SH2D4A: variants seen among roughly 807,000 people sequenced by gnomAD.
The protein encoded by SH2D4A is SH2 domain-containing protein 4A.
A neutral mutation model predicts 64.7 loss-of-function variants in SH2D4A; 70 were observed. The observed-to-expected ratio is 1.08, with a 90% CI of 0.89 to 1.32. SH2D4A has a LOEUF of 1.32. SH2D4A is among the 40% of genes most tolerant of loss of function. SH2D4A has a pLI of 0.00. For missense variants in SH2D4A, 706 were observed against 540.1 expected (o/e 1.31, Z -3.04); for synonymous variants, 268 against 200.7 (o/e 1.34, Z -2.83).
intron 7 of SH2D4A, among the ~76,000 whole-genome samples, chr8:19,365,207 T>C (rs2052972178): frequency 6.6e-6 from 1 of 152,206 alleles, no homozygotes. Flanking sequence ...AGTGATGACC[T>C]CAGGGGAAAC....
intron 1 of SH2D4A, among the ~76,000 whole-genome samples, chr8:19,318,225 A>G (rs1427855717): frequency 6.6e-6 from 1 of 152,202 alleles, no homozygotes; most frequent in East Asian, 1.9e-4. Flanking sequence ...TTCTTAGGAC[A>G]CATGTGATTC....
Position 19,319,336 on chromosome 8 carries a change from C to T in SH2D4A, c.-204-8C>T. On this transcript the variant is annotated splice_polypyrimidine_tract_variant and splice_region_variant and intron_variant, in intron 1 of 9. Coordinates refer to ENST00000265807, the MANE Select transcript of SH2D4A (RefSeq NM_022071.4). The stretch of plus-strand genomic sequence containing the variant: ...CGCTGCCTGAATGTGGGCTCTTTCT[C>T]TCTGCAGGTTCAGTGAACAGCATTT... The T allele has an allele frequency of 8.3e-7, 1 of 1,210,638 alleles. No individual in the cohort carries two copies. The highest frequency in any genetic ancestry group is 1.0e-6 in the Non-Finnish European group (1 of 974,254). 75.0% of individuals were successfully genotyped at this position (1,210,638 alleles called of 1,614,324 possible).
intron 4 of SH2D4A, among the ~76,000 whole-genome samples, chr8:19,350,793 G>C (rs989093823): frequency 5.9e-5 from 9 of 152,164 alleles, no homozygotes; most frequent in African/African-American, 2.2e-4. Flanking sequence ...ACAATGTTTA[G>C]TGAAACATGT....
At chr8:19,317,520 C>T (rs1198689197) in intron 1 of SH2D4A, among the ~76,000 whole-genome samples, 1 of 151,930 alleles carries the variant, frequency 6.6e-6, no homozygotes, top group Non-Finnish European at 1.5e-5. Context: ...CATCAAGGGC[C>T]TGGCTTCACA....
intron 1 of SH2D4A, among the ~76,000 whole-genome samples, chr8:19,316,874 C>T (rs1314714436): frequency 2.0e-5 from 3 of 152,114 alleles, no homozygotes; most frequent in African/African-American, 7.2e-5. Context: ...GGGCTGGACT[C>T]CAAGGGTTAT....
At chr8:19,337,745 C>T (rs2052466462) in intron 4 of SH2D4A, among the ~76,000 whole-genome samples, 1 of 152,096 alleles carries the variant, frequency 6.6e-6, no homozygotes, top group Admixed American at 6.5e-5. Flanking sequence ...TTTATAAAAC[C>T]ATCAGATCTC....
At chr8:19,382,944 C>T (rs2053322796) in intron 8 of SH2D4A, among the ~76,000 whole-genome samples, 1 of 149,410 alleles carries the variant, frequency 6.7e-6, no homozygotes, top group Admixed American at 6.8e-5. Flanking sequence ...AATTCTCCTG[C>T]CTCAGCCCTG....
At chr8:19,366,794 C>G (rs966368335) in intron 7 of SH2D4A, among the ~76,000 whole-genome samples, 2 of 152,048 alleles carry the variant, frequency 1.3e-5, no homozygotes, top group Non-Finnish European at 2.9e-5. Context: ...TCTGTCTCAA[C>G]AACAACAAAA....
chr8:19,365,094 T>C (rs920050377), intron 7 of SH2D4A, among the ~76,000 whole-genome samples: 19 of 152,160 alleles, frequency 1.2e-4, no homozygotes, highest in African/African-American at 4.3e-4. Context: ...AAATAAAAAC[T>C]AAAAATAATT....
At chr8:19,347,845 G>A (rs1313179647) in intron 4 of SH2D4A, among the ~76,000 whole-genome samples, 1 of 152,138 alleles carries the variant, frequency 6.6e-6, no homozygotes, top group Non-Finnish European at 1.5e-5. Flanking sequence ...TTAACCAGGT[G>A]GAGTTACAGA....
intron 2 of SH2D4A, among the ~76,000 whole-genome samples, chr8:19,332,142 T>C (rs1468136074): frequency 6.6e-6 from 1 of 152,012 alleles, no homozygotes; most frequent in Non-Finnish European, 1.5e-5. Context: ...ATAAATAAAA[T>C]AATAAAACCT....
At chr8:19,386,955 G>A (rs916701403) in intron 8 of SH2D4A, among the ~76,000 whole-genome samples, 2 of 151,900 alleles carry the variant, frequency 1.3e-5, no homozygotes, top group African/African-American at 4.8e-5. Context: ...GATACTTTTT[G>A]TTGTTCTTTG....
Position 19,319,513 on chromosome 8 carries a change from T to C in SH2D4A, c.-35T>C. 1 of 1,420,772 alleles carries C rather than the reference T, an allele frequency of 7.0e-7. No homozygotes were observed. Among genetic ancestry groups the C allele is most frequent in the African/African-American group, 1.5e-5 (1 of 68,162 alleles). The allele number at this position is 1,420,772 out of a possible 1,614,324, so 88.0% of individuals were successfully genotyped here. On this transcript the variant is annotated 5_prime_UTR_variant, in exon 2 of 10. Transcript: ENST00000265807. ...ACCTGGAGGCCAGTTTCAGGAACTT[T>C]TGCCACAAGTATAAAAGACTTCAGA...
In SH2D4A at chr8:19,391,148, T is replaced by C. The variant is rs566043546; in HGVS notation, c.1049-2170T>C. 1.1e-4 allele frequency among the ~76,000 whole-genome samples: 16 copies of C among 152,308 alleles called. No homozygotes were observed. In the East Asian group the frequency reaches 1.4e-3, roughly 13 times the overall value. ...GGGTTTCGGAGTCAGTCTCATACAG[T>C]GTCTTTAGAGATTTGCCATGTGCAG... On this transcript the variant is annotated intron_variant, in intron 8 of 9. Transcript: ENST00000265807.
At chr8:19,341,192 A>C (rs2052524056) in intron 4 of SH2D4A, among the ~76,000 whole-genome samples, 1 of 152,238 alleles carries the variant, frequency 6.6e-6, no homozygotes, top group Admixed American at 6.5e-5. Flanking sequence ...CTGGTGAGAA[A>C]GCTAGACTGG....
chr8:19,388,902 G>A (rs1436755294), intron 8 of SH2D4A, among the ~76,000 whole-genome samples: 5 of 152,194 alleles, frequency 3.3e-5, no homozygotes, highest in Non-Finnish European at 5.9e-5. Context: ...AAGTGGGGGA[G>A]GGCAGGACAG....
At chr8:19,327,564 C>A (rs1563185628) in intron 2 of SH2D4A, among the ~76,000 whole-genome samples, 1 of 152,146 alleles carries the variant, frequency 6.6e-6, no homozygotes, top group Non-Finnish European at 1.5e-5. Context: ...TTCACCTGCA[C>A]CTCCTTCTAT....
At chr8:19,358,319 C>T (rs1481776359) in intron 5 of SH2D4A, among the ~76,000 whole-genome samples, 2 of 152,138 alleles carry the variant, frequency 1.3e-5, no homozygotes, top group Non-Finnish European at 2.9e-5. Flanking sequence ...TTCCTGCCTT[C>T]AGGGAGCTTA....
intron 8 of SH2D4A, among the ~76,000 whole-genome samples, chr8:19,379,810 C>T (rs1433464666): frequency 6.6e-6 from 1 of 152,172 alleles, no homozygotes; most frequent in Non-Finnish European, 1.5e-5. Context: ...ACTTAGAGCT[C>T]ACTGCAGTCT....
Sources: allele counts gnomAD v4.1 joint callset (sites outside exome capture counted in the v4.1 genomes callset), GRCh38; gene constraint gnomAD v4.1.1; transcripts MANE v1.5; gene names NCBI Gene and HGNC (gene_info 2026-07-23, HGNC 2026-07-21).